The following P2RX6 variants were observed in gnomAD, a reference collection of about 807,000 sequenced individuals.
The protein encoded by P2RX6 is purinergic receptor P2X 6.
In P2RX6, 62 loss-of-function variants were observed where a neutral mutation model predicts 54.2. That is an observed-to-expected ratio of 1.14 (90% CI 0.93 to 1.41). The LOEUF (loss-of-function observed/expected upper bound fraction) is 1.41, where lower values mean the gene tolerates loss of function less well. P2RX6 is among the 40% of genes most tolerant of loss of function. The probability of loss-of-function intolerance (pLI) is 0.00; values close to 1 mark genes in which losing one functional copy is unlikely to be tolerated. For missense variants in P2RX6, 541 were observed against 566.3 expected, an observed-to-expected ratio of 0.96 and a Z score of 0.45; for synonymous variants, 211 against 231.9, an observed-to-expected ratio of 0.91 and a Z score of 0.82.
Position 21,015,997 on chromosome 22 carries a change from T to C in P2RX6, c.220T>C (p.Ser74Pro). ...YQERDLEPQF[S>P]IITKLKGVSV... ...GGAGCGGGACCTGGAACCCCAGTTTTCCATCATCACCAAACTCAAAGGGGT... is the reference window on the plus strand; with the variant it reads ...GGAGCGGGACCTGGAACCCCAGTTTCCCATCATCACCAAACTCAAAGGGGT... The change falls in exon 2 of 12, where the codon TCC (serine) becomes CCC (proline). Residue 74 changes from serine to proline, a missense_variant. Physicochemically the swap from Ser to Pro is moderately conservative, Grantham distance 74. This residue lies in a region of P2RX6 where 526 missense variants were observed against 531.5 expected (regional missense o/e 0.99). Transcript: ENST00000413302. The C allele has an allele frequency of 6.4e-7, 1 of 1,550,862 alleles. No individual in the cohort carries two copies. The highest frequency in any genetic ancestry group is 8.7e-7 in the Non-Finnish European group (1 of 1,147,532).
intron 2 of P2RX6, 34 bp from the exon 3 acceptor site, chr22:21,017,955 C>G (rs999441541): frequency 1.4e-6 from 2 of 1,473,352 alleles, no homozygotes; most frequent in African/African-American, 2.8e-5. Flanking sequence ...TCAACACGAG[C>G]CCAGCCAGGC....
chr22:21,025,976 C>A (rs141486634), intron 9 of P2RX6, 35 bp from the exon 10 acceptor site: 1 of 1,596,322 alleles, frequency 6.3e-7, no homozygotes, highest in African/African-American at 1.3e-5. Flanking sequence ...GGCTGACAGT[C>A]GTGGGCTGAG....
intron 2 of P2RX6, among the ~76,000 whole-genome samples, chr22:21,016,720 T>G (rs1471791365): frequency 6.6e-6 from 1 of 152,056 alleles, no homozygotes; most frequent in Non-Finnish European, 1.5e-5. Context: ...GGAACTTCCC[T>G]GTAGCCCTGC....
At chr22:21,022,865 G>T in intron 4 of P2RX6, 77 bp from the exon 5 acceptor site, 1 of 1,506,830 alleles carries the variant, frequency 6.6e-7, no homozygotes, top group South Asian at 1.1e-5. Context: ...CTCTCTTTCT[G>T]CCAACAACCC....
At chr22:21,018,140 C>T (rs551069445) in intron 3 of P2RX6, 80 bp downstream of exon 3, 1 of 906,552 alleles carries the variant, frequency 1.1e-6, no homozygotes, top group South Asian at 1.4e-5. Context: ...TCCCTTTCCC[C>T]TTCCCAGGTG....
At chr22:21,011,968 A>G (rs1925760280), upstream of P2RX6, among the ~76,000 whole-genome samples, 2 of 152,216 alleles carry the variant, frequency 1.3e-5, no homozygotes, top group African/African-American at 2.4e-5. Flanking sequence ...GTGACTGTGC[A>G]TGGAGCACTT....
intron 2 of P2RX6, 120 bp from the exon 3 acceptor site, chr22:21,017,865 CAGGG>C: frequency 1.4e-6 from 1 of 719,844 alleles, no homozygotes; most frequent in Non-Finnish European, 2.6e-6. Flanking sequence ...GTCTGCCTTA[CAGGG>C]GGACAGGGTT....
At chr22:21,020,481 T>G (rs1376815505) in intron 3 of P2RX6, among the ~76,000 whole-genome samples, 1 of 151,944 alleles carries the variant, frequency 6.6e-6, no homozygotes, top group Non-Finnish European at 1.5e-5. Context: ...CTCCCATACT[T>G]CAAAGACCAC....
At chr22:21,021,240 G>A (rs746435443) in intron 3 of P2RX6, among the ~76,000 whole-genome samples, 21 of 152,300 alleles carry the variant, frequency 1.4e-4, no homozygotes, top group Admixed American at 2.0e-4. Context: ...GACTCTCAAA[G>A]TGCTAGGATT....
At position 21,016,070 on chromosome 22, in the gene P2RX6, C is replaced by A. The variant is rs751001982; in HGVS notation, c.293C>A (p.Ala98Asp). 32 of 1,563,396 alleles carry A rather than the reference C, an allele frequency of 2.0e-5. No individual in the cohort carries two copies. Among genetic ancestry groups the A allele is most frequent in the Non-Finnish European group, 2.5e-5 (29 of 1,154,746 alleles). ...CTTGGAAACCGGCTGTGGGATGTGG[C>A]CGACTTCGTGAAGCCACCTCAGGTG... is the stretch of plus-strand genomic sequence containing the variant. The part of the protein sequence containing the change: ...KELGNRLWDV[A>D]DFVKPPQGEN... Residue 98 changes from alanine (A) to aspartate (D), a missense_variant, in exon 2 of 12, where the codon GCC becomes GAC. Ala to Asp is a moderately radical substitution (Grantham distance 126, BLOSUM62 -2). Coordinates refer to ENST00000413302, the MANE Select transcript of P2RX6 (RefSeq NM_005446.5).
chr22:21,021,553 G>A (rs938951255), intron 3 of P2RX6, among the ~76,000 whole-genome samples: 3 of 152,122 alleles, frequency 2.0e-5, no homozygotes, highest in Non-Finnish European at 4.4e-5. Context: ...CAATCACGAC[G>A]GCCCTGTCTT....
In P2RX6 at chr22:21,023,200, T is replaced by C. The variant is rs1211465772; in HGVS notation, c.638+2T>C. 1 of 1,613,950 alleles carries C rather than the reference T, an allele frequency of 6.2e-7. No individual in the cohort carries two copies. The highest frequency in any genetic ancestry group is 8.5e-7 in the Non-Finnish European group (1 of 1,179,840). On this transcript the variant is annotated splice_donor_variant, in intron 6 of 11. Transcript: ENST00000413302. LOFTEE classifies it high-confidence loss of function. ...CTTCAGCAAGTTCAACTTCTCTAAG[T>C]AAGCAGAGTGGGTCTCATCTGCCCC...
rs1926298198 is a variant in P2RX6, at chr22:21,015,953, T to G, written c.176T>G (p.Leu59Arg). ...CTTCTCCTCCCCAGGTGGGCTCTCC[T>G]CGCCAAAAAAGGCTACCAGGAGCGG... Reference protein sequence around the residue: ...IVVYVVGWALLAKKGYQERDL... With the variant: ...IVVYVVGWALRAKKGYQERDL... The change falls in exon 2 of 12, where the codon CTC becomes CGC. Residue 59 changes from leucine (L) to arginine (R), a missense_variant. Physicochemically the swap from Leu to Arg is moderately radical, Grantham distance 102. This residue lies in a region of P2RX6 where 526 missense variants were observed against 531.5 expected (regional missense o/e 0.99). Coordinates refer to ENST00000413302, the MANE Select transcript of P2RX6 (RefSeq NM_005446.5). 6.5e-7 allele frequency: 1 copy of G among 1,549,612 alleles called. No homozygotes were observed. Among genetic ancestry groups the G allele is most frequent in the Non-Finnish European group, 8.7e-7 (1 of 1,146,944 alleles).
intron 3 of P2RX6, 58 bp downstream of exon 3, chr22:21,018,118 G>A: frequency 9.1e-7 from 1 of 1,104,088 alleles, no homozygotes; most frequent in Non-Finnish European, 1.4e-6. Context: ...GCCCCAGGGG[G>A]CCACCCGTGT....
chr22:21,016,364 A>G (rs2251893), intron 2 of P2RX6, among the ~76,000 whole-genome samples: 78,595 of 151,968 alleles, frequency 0.52, 22,312 homozygotes, highest in Non-Finnish European at 0.65. Flanking sequence ...TTGGGAGGCC[A>G]AGGCAGGTGG....
intron 3 of P2RX6, chr22:21,018,387 C>T (rs1213964346): frequency 2.7e-6 from 1 of 372,216 alleles, no homozygotes; most frequent in African/African-American, 2.1e-5. Flanking sequence ...CCAGGCCCTC[C>T]CATCCTGGTC....
Position 21,025,818 on chromosome 22 carries a change from T to G in P2RX6, c.904T>G (p.Trp302Gly). 6.4e-7 allele frequency: 1 copy of G among 1,560,532 alleles called. No individual in the cohort carries two copies. Among genetic ancestry groups the G allele is most frequent in the Middle Eastern group, 1.7e-4 (1 of 6,000 alleles). The change falls in exon 9 of 12, where the codon TGG becomes GGG. Residue 302 changes from tryptophan (W) to glycine (G), a missense_variant. Physicochemically the swap from Trp to Gly is radical, Grantham distance 184. Coordinates refer to ENST00000413302, the MANE Select transcript of P2RX6 (RefSeq NM_005446.5). ...KSYNFRTATHWWEQPGVEART... is the reference protein window; with the variant it reads ...KSYNFRTATHGWEQPGVEART... ...TCCTGCCCACAGGACAGCCACTCAC[T>G]GGTGGGAGCAACCGGGTGTGGAGGC...
chr22:21,022,337 G>A (rs1927550158), intron 3 of P2RX6, among the ~76,000 whole-genome samples: 1 of 152,226 alleles, frequency 6.6e-6, no homozygotes, highest in Non-Finnish European at 1.5e-5. Context: ...TCATACCACT[G>A]CACTAGAGCC....
In P2RX6 at chr22:21,009,857, C is replaced by T. The variant is rs1483424969; in HGVS notation, n.50C>T. The T allele has an allele frequency of 7.8e-5, 12 of 153,832 alleles. No individual in the cohort carries two copies. In the East Asian group the frequency reaches 1.1e-3, roughly 15 times the overall value. The allele number at this position is 153,832 out of a possible 1,614,324, so 9.5% of individuals were successfully genotyped here. ...CCTGAGAACTAGACTCAGCGCCCAG[C>T]ACTGGATTTGATAATACAGGTACTC... On this transcript the variant is annotated non_coding_transcript_exon_variant, in exon 1 of 3. Coordinates refer to the P2RX6 transcript ENST00000591411.
Sources: allele counts gnomAD v4.1 joint callset (sites outside exome capture counted in the v4.1 genomes callset), GRCh38; gene constraint gnomAD v4.1.1; regional missense constraint gnomAD v4.1.1; transcripts MANE v1.5; gene names NCBI Gene and HGNC (gene_info 2026-07-23, HGNC 2026-07-21).